LRP1B: variants seen among roughly 807,000 people sequenced by gnomAD.
The protein encoded by LRP1B is low-density lipoprotein receptor-related protein 1B.
LRP1B carries 217 observed loss-of-function variants against 556.6 expected under a neutral mutation model. That is an observed-to-expected ratio of 0.39 (90% CI 0.35 to 0.44). LRP1B has a LOEUF of 0.44. Among genes scored for constraint, LRP1B ranks in the 20% least tolerant of loss-of-function variants. The pLI, the probability that LRP1B is intolerant of heterozygous loss-of-function variation, is 1.00. For synonymous variants in LRP1B, 2,047 were observed against 1,865.8 expected, an observed-to-expected ratio of 1.10 and a Z score of -2.50; for missense variants, 5,053 against 5,620.8, an observed-to-expected ratio of 0.90 and a Z score of 3.23.
chr2:141,153,340 ATAT>A (rs1701975992), intron 7 of LRP1B, among the ~76,000 whole-genome samples: 1 of 73,554 alleles, frequency 1.4e-5, no homozygotes, highest in Non-Finnish European at 2.9e-5. Context: ...ATATAATAAT[ATAT>A]TATATATTAG....
chr2:140,940,568 T>C lies in LRP1B; in HGVS notation c.3136+9667A>G, dbSNP rs1695369567. The stretch of plus-strand genomic sequence containing the variant: ...GAACCTTGCAATACATAAATATAAA[T>C]GGTCAGACCTGGGCTTTAGAGGAAG... On this transcript the variant is annotated intron_variant, in intron 20 of 90. Coordinates refer to ENST00000389484, the MANE Select transcript of LRP1B (RefSeq NM_018557.3). Among the ~76,000 whole-genome samples the C allele has an allele frequency of 5.9e-5, 9 of 152,152 alleles. 1 individual carries two copies. The highest frequency in any genetic ancestry group is 5.9e-4 in the Admixed American group (9 of 15,258).
intron 1 of LRP1B, among the ~76,000 whole-genome samples, chr2:141,818,806 G>C (rs1024386361): frequency 6.6e-6 from 1 of 151,414 alleles, no homozygotes; most frequent in Non-Finnish European, 1.5e-5. Context: ...AGAGTACTGG[G>C]ACTACAGGCG....
intron 2 of LRP1B, among the ~76,000 whole-genome samples, chr2:141,583,506 CA>C (rs1687023629): frequency 6.6e-6 from 1 of 151,978 alleles, no homozygotes; most frequent in South Asian, 2.1e-4. Flanking sequence ...CTCCAAAAAT[CA>C]GTTGAGAGTT....
At chr2:142,062,370 G>A (rs889511056) in intron 1 of LRP1B, among the ~76,000 whole-genome samples, 1 of 151,778 alleles carries the variant, frequency 6.6e-6, no homozygotes, top group African/African-American at 2.4e-5. Flanking sequence ...AAATCTGCAA[G>A]GTCTTTGCTG....
At chr2:140,683,307 G>A (rs1685928856) in intron 41 of LRP1B, 1 of 422,888 alleles carries the variant, frequency 2.4e-6, no homozygotes, top group African/African-American at 2.1e-5. Context: ...CAAAGGAAAA[G>A]AGATCTTGAC....
intron 1 of LRP1B, among the ~76,000 whole-genome samples, chr2:141,834,412 G>A (rs564982698): frequency 3.9e-5 from 6 of 151,942 alleles, no homozygotes; most frequent in East Asian, 1.9e-4. Flanking sequence ...GAAACAAAGT[G>A]GCTATTTCAG....
Position 140,322,958 on chromosome 2 carries a change from G to T in LRP1B, c.12515-870C>A, listed in dbSNP as rs948430368. ...AGAAACTGTCCTCATATTAACCTTG[G>T]AACCTTATATGCCAAATTATTGGTA... On this transcript the variant is annotated intron_variant, in intron 81 of 90. Transcript: ENST00000389484. Among the ~76,000 whole-genome samples the T allele has an allele frequency of 8.6e-5, 13 of 151,850 alleles. No homozygotes were observed. The South Asian group carries it at 1.4e-3, about 17-fold the overall frequency.
chr2:140,318,805 A>G (rs1684645858), intron 82 of LRP1B, among the ~76,000 whole-genome samples: 1 of 152,160 alleles, frequency 6.6e-6, no homozygotes, highest in Non-Finnish European at 1.5e-5. Flanking sequence ...CTTCCATTTT[A>G]TCTGTAAAAT....
intron 2 of LRP1B, among the ~76,000 whole-genome samples, chr2:141,664,511 C>CT (rs1472298357): frequency 3.9e-5 from 6 of 152,160 alleles, no homozygotes; most frequent in Non-Finnish European, 8.8e-5. Flanking sequence ...TCAGCAAAGT[C>CT]TCAGGATACA....
chr2:141,780,032 CTAGAAT>C (rs1374653461), intron 2 of LRP1B, among the ~76,000 whole-genome samples: 1 of 148,540 alleles, frequency 6.7e-6, no homozygotes, highest in African/African-American at 2.5e-5. Context: ...GATTATAAAC[CTAGAAT>C]TAATCTCTCT....
chr2:140,607,903 TA>T (rs1281556924), intron 41 of LRP1B, among the ~76,000 whole-genome samples: 1 of 152,020 alleles, frequency 6.6e-6, no homozygotes, highest in Non-Finnish European at 1.5e-5. Context: ...CAATAGATTT[TA>T]ATATGGATTG....
At chr2:141,375,472 C>A (rs1475198998) in intron 3 of LRP1B, among the ~76,000 whole-genome samples, 3 of 151,992 alleles carry the variant, frequency 2.0e-5, no homozygotes, top group Admixed American at 2.0e-4. Flanking sequence ...AGTGGTGGAG[C>A]AACCCACTGA....
rs774261041 is a variant in LRP1B at position 142,130,770 on chromosome 2, G to A, written c.-41C>T. On this transcript the variant is annotated 5_prime_UTR_variant, in exon 1 of 91. Coordinates refer to ENST00000389484, the MANE Select transcript of LRP1B (RefSeq NM_018557.3). ...AGGAAGCCTGCGCTGGAGACTGCTC[G>A]GCGGCACCTTCGGCCCGGCGGCGGC... The A allele has an allele frequency of 1.3e-6, 2 of 1,557,950 alleles. No individual in the cohort carries two copies. The highest frequency in any genetic ancestry group is 1.4e-5 in the African/African-American group (1 of 73,278).
At chr2:141,859,776 T>C (rs1447792189) in intron 1 of LRP1B, among the ~76,000 whole-genome samples, 1 of 152,200 alleles carries the variant, frequency 6.6e-6, no homozygotes, top group Non-Finnish European at 1.5e-5. Flanking sequence ...TGTACAATTA[T>C]GTGTCCAAAA....
intron 7 of LRP1B, among the ~76,000 whole-genome samples, chr2:141,142,473 A>G (rs866599767): frequency 5.9e-5 from 9 of 152,268 alleles, no homozygotes; most frequent in Non-Finnish European, 1.0e-4. Flanking sequence ...TTTAACAAGG[A>G]CTCTTTACAT....
At chr2:142,014,722 C>T (rs907050109) in intron 1 of LRP1B, among the ~76,000 whole-genome samples, 1 of 152,098 alleles carries the variant, frequency 6.6e-6, no homozygotes, top group Non-Finnish European at 1.5e-5. Context: ...TTGGACTTTG[C>T]TACTGTGTGG....
At chr2:141,222,875 G>GAAGGAACAT (rs1370140687) in intron 6 of LRP1B, among the ~76,000 whole-genome samples, 3 of 152,142 alleles carry the variant, frequency 2.0e-5, no homozygotes, top group Admixed American at 2.0e-4. Flanking sequence ...ACTAGGAATT[G>GAAGGAACAT]AAGGAACATA....
rs1682543922 is a variant in LRP1B at position 140,598,817 on chromosome 2, G to T, written c.7008C>A (p.Asn2336Lys). 2 of 1,606,952 alleles carry T rather than the reference G, an allele frequency of 1.2e-6. No individual in the cohort carries two copies. The highest frequency in any genetic ancestry group is 8.5e-7 in the Non-Finnish European group (1 of 1,173,846). Residue 2336 changes from asparagine to lysine, a missense_variant, in exon 43 of 91, where the codon AAC (asparagine) becomes AAA (lysine). Physicochemically the swap from Asn to Lys is moderately conservative, Grantham distance 94 (BLOSUM62 0). Transcript: ENST00000389484. ...TGATACTTGGATGTTGTTCATTCCA[G>T]TTGGTCCAAAACATTAAACTAATTA... ...DECQNLMFWT[N>K]WNEQHPSIMR...
chr2:140,863,972 G>T (rs1692873973), intron 27 of LRP1B, among the ~76,000 whole-genome samples: 1 of 151,636 alleles, frequency 6.6e-6, no homozygotes, highest in Admixed American at 6.6e-5. Context: ...GAATATATGT[G>T]CATTTAATGT....
Sources: allele counts gnomAD v4.1 joint callset (sites outside exome capture counted in the v4.1 genomes callset), GRCh38; gene constraint gnomAD v4.1.1; transcripts MANE v1.5; gene names NCBI Gene and HGNC (gene_info 2026-07-23, HGNC 2026-07-21).